Variants in RPS6KA5 observed in about 807,000 individuals in gnomAD.
The protein encoded by RPS6KA5 is ribosomal protein S6 kinase A5, also known as ribosomal protein S6 kinase alpha-5.
In RPS6KA5, 27 loss-of-function variants were observed where a neutral mutation model predicts 85.5. The observed-to-expected ratio is 0.32, with a 90% CI of 0.23 to 0.44. RPS6KA5 has a LOEUF of 0.44. Among genes scored for constraint, RPS6KA5 ranks in the 20% least tolerant of loss-of-function variants. The pLI, the probability that RPS6KA5 is intolerant of heterozygous loss-of-function variation, is 1.00. For synonymous variants in RPS6KA5, 334 were observed against 348.2 expected, an observed-to-expected ratio of 0.96 and a Z score of 0.46; for missense variants, 811 against 980.9, an observed-to-expected ratio of 0.83 and a Z score of 2.31.
rs944007300 is a variant in RPS6KA5, at chr14:90,868,261, A to G, written c.*3813T>C. The G allele has an allele frequency of 6.6e-6, 1 of 152,058 alleles. No individual in the cohort carries two copies. Among genetic ancestry groups the G allele is most frequent in the Admixed American group, 6.6e-5 (1 of 15,250 alleles). 9.4% of individuals were successfully genotyped at this position (152,058 alleles called of 1,614,324 possible). A position where few individuals can be genotyped will look rare whatever the true frequency, so the allele number is the denominator to read the frequency against. ...TTTTTTCCCATTCTTGAGTTTTACA[A>G]TGTCTCCTATCCAAACTTCAAATTT... On this transcript the variant is annotated 3_prime_UTR_variant, in exon 17 of 17. Transcript: ENST00000614987.
chr14:90,979,689 G>C (rs2039712267), intron 2 of RPS6KA5, among the ~76,000 whole-genome samples: 1 of 152,356 alleles, frequency 6.6e-6, no homozygotes, highest in South Asian at 2.1e-4. Flanking sequence ...TCCTGAGAAG[G>C]AGCGCCAACA....
rs1170227797 is a variant in RPS6KA5, at chr14:90,863,837, A to C, written c.*8237T>G. Reference sequence around the variant, plus strand: ...TGAAATTGATTTATACATTCAATGCAATACCAATTAAACCCTAACATCCTC... The same window carrying C: ...TGAAATTGATTTATACATTCAATGCCATACCAATTAAACCCTAACATCCTC... On this transcript the variant is annotated 3_prime_UTR_variant, in exon 17 of 17. Coordinates refer to ENST00000614987, the MANE Select transcript of RPS6KA5 (RefSeq NM_004755.4). 6.6e-6 allele frequency: 1 copy of C among 152,238 alleles called. No individual in the cohort carries two copies. The highest frequency in any genetic ancestry group is 2.4e-5 in the African/African-American group (1 of 41,460). 9.4% of individuals were successfully genotyped at this position (152,238 alleles called of 1,614,324 possible).
At chr14:91,037,141 T>C (rs1208165997) in intron 1 of RPS6KA5, among the ~76,000 whole-genome samples, 1 of 152,222 alleles carries the variant, frequency 6.6e-6, no homozygotes, top group Non-Finnish European at 1.5e-5. Context: ...TATAGTGGAA[T>C]GTTTTTTATT....
rs1039650639 is a variant in RPS6KA5, at chr14:90,855,034, CTT to C, written c.*17038_*17039del. On this transcript the variant is annotated 3_prime_UTR_variant, in exon 17 of 17. Coordinates refer to ENST00000614987, the MANE Select transcript of RPS6KA5 (RefSeq NM_004755.4). Reference sequence around the variant, plus strand: ...CGATTTTTTTCAATACATTTCATCTCTTTGCTTTGCCAGGAACAAAGTTTCAA... The same window carrying C: ...CGATTTTTTTCAATACATTTCATCTCTGCTTTGCCAGGAACAAAGTTTCAA... 6 of 152,240 alleles carry C rather than the reference CTT, an allele frequency of 3.9e-5. No homozygotes were observed. Among genetic ancestry groups the C allele is most frequent in the African/African-American group, 1.4e-4 (6 of 41,532 alleles). The allele number at this position is 152,240 out of a possible 1,614,324, so 9.4% of individuals were successfully genotyped here. A position where few individuals can be genotyped will look rare whatever the true frequency, so the allele number is the denominator to read the frequency against.
chr14:90,962,590 A>G (rs2038862265), intron 3 of RPS6KA5, among the ~76,000 whole-genome samples: 1 of 144,030 alleles, frequency 6.9e-6, no homozygotes, highest in South Asian at 2.2e-4. Context: ...CCCGGCCTAG[A>G]TTTTTTTTTT....
rs543971462 is a variant in RPS6KA5 at position 90,958,182 on chromosome 14, T to C, written c.395-10632A>G. On this transcript the variant is annotated intron_variant, in intron 3 of 16. Coordinates refer to ENST00000614987, the MANE Select transcript of RPS6KA5 (RefSeq NM_004755.4). ...TAATAATAATGAATAAAGAATTAGA[T>C]GGGGCTATTTGAGTTCCTTTATATT... 5.9e-5 allele frequency among the ~76,000 whole-genome samples: 9 copies of C among 152,182 alleles called. No homozygotes were observed. The East Asian group carries it at 7.7e-4, about 13-fold the overall frequency.
chr14:90,929,677 T>C (rs1323898638), intron 5 of RPS6KA5, among the ~76,000 whole-genome samples: 3 of 152,144 alleles, frequency 2.0e-5, no homozygotes, highest in Non-Finnish European at 2.9e-5. Context: ...TATTCAAAAA[T>C]TGCAGTTCCC....
chr14:91,044,083 T>C (rs541616367), intron 1 of RPS6KA5, among the ~76,000 whole-genome samples: 39 of 151,878 alleles, frequency 2.6e-4, no homozygotes, highest in South Asian at 2.1e-3. Flanking sequence ...AAAAATTAGC[T>C]GGGCATGGTG....
intron 9 of RPS6KA5, among the ~76,000 whole-genome samples, chr14:90,902,403 T>C (rs904028788): frequency 6.6e-6 from 1 of 151,858 alleles, no homozygotes; most frequent in Non-Finnish European, 1.5e-5. Context: ...GAGGATCACT[T>C]GAGCCCAGGA....
intron 3 of RPS6KA5, among the ~76,000 whole-genome samples, chr14:90,972,071 AG>A (rs762762344): frequency 6.6e-6 from 1 of 152,270 alleles, no homozygotes; most frequent in Non-Finnish European, 1.5e-5. Context: ...ATGGCTAGGA[AG>A]TAAATGCTAA....
intron 14 of RPS6KA5, 115 bp from the exon 15 acceptor site, chr14:90,875,475 T>C (rs1443429975): frequency 7.4e-6 from 7 of 940,340 alleles, no homozygotes; most frequent in South Asian, 7.3e-5. Context: ...ACTAGCATGA[T>C]TGAGTTTAAA....
chr14:90,893,544 G>T (rs962597142), intron 13 of RPS6KA5, among the ~76,000 whole-genome samples: 1 of 152,050 alleles, frequency 6.6e-6, no homozygotes. Context: ...GGCAAAAATA[G>T]TGCTTTTAGA....
At chr14:91,025,093 G>A (rs1197096290) in intron 1 of RPS6KA5, among the ~76,000 whole-genome samples, 1 of 151,984 alleles carries the variant, frequency 6.6e-6, no homozygotes, top group Non-Finnish European at 1.5e-5. Context: ...CGCCCAGGCT[G>A]GAGTGCAGTG....
At chr14:91,047,046 C>A (rs761109361) in intron 1 of RPS6KA5, among the ~76,000 whole-genome samples, 95 of 113,352 alleles carry the variant, frequency 8.4e-4, no homozygotes, top group Non-Finnish European at 1.2e-3. Flanking sequence ...GACCCTGTCT[C>A]CAAAAAAAAA....
intron 3 of RPS6KA5, among the ~76,000 whole-genome samples, chr14:90,964,366 T>C (rs2038954158): frequency 6.6e-6 from 1 of 152,022 alleles, no homozygotes. Flanking sequence ...AAAAATAATA[T>C]ATAAAAAAAT....
intron 3 of RPS6KA5, among the ~76,000 whole-genome samples, chr14:90,958,341 A>G (rs534115512): frequency 4.0e-4 from 61 of 152,294 alleles, no homozygotes; most frequent in Admixed American, 1.5e-3. Context: ...TCCAACCCAT[A>G]AATATGGTGT....
chr14:90,953,022 A>G (rs1272158175), intron 3 of RPS6KA5, among the ~76,000 whole-genome samples: 1 of 152,166 alleles, frequency 6.6e-6, no homozygotes, highest in Non-Finnish European at 1.5e-5. Flanking sequence ...TGGACCAGTC[A>G]AAGAATCCTG....
intron 5 of RPS6KA5, among the ~76,000 whole-genome samples, chr14:90,936,818 C>A (rs1251521778): frequency 6.6e-6 from 1 of 152,024 alleles, no homozygotes; most frequent in Non-Finnish European, 1.5e-5. Flanking sequence ...ATATATTTCC[C>A]AGACCAAATG....
intron 7 of RPS6KA5, among the ~76,000 whole-genome samples, chr14:90,912,479 A>C (rs1043280881): frequency 2.0e-5 from 3 of 152,186 alleles, no homozygotes; most frequent in East Asian, 1.9e-4. Flanking sequence ...GGCAAGTTAC[A>C]TCCTAGTTTC....
Sources: allele counts gnomAD v4.1 joint callset (sites outside exome capture counted in the v4.1 genomes callset), GRCh38; gene constraint gnomAD v4.1.1; transcripts MANE v1.5; gene names NCBI Gene and HGNC (gene_info 2026-07-23, HGNC 2026-07-21).